SPTAN1: variants seen among roughly 807,000 people sequenced by gnomAD.
SPTAN1 encodes spectrin alpha, non-erythrocytic 1.
A neutral mutation model predicts 331.3 loss-of-function variants in SPTAN1; 61 were observed. The ratio of observed to expected loss-of-function variants is 0.18; its 90% CI spans 0.15 to 0.23. The LOEUF is 0.23. Ranked by LOEUF, SPTAN1 falls within the 10% of genes least tolerant of loss-of-function variation. The pLI is 1.00. For synonymous variants in SPTAN1, 1,153 were observed against 1,173.9 expected, an observed-to-expected ratio of 0.98 and a Z score of 0.36; for missense variants, 2,043 against 3,147.9, an observed-to-expected ratio of 0.65 and a Z score of 8.40.
intron 41 of SPTAN1, 141 bp from the exon 42 acceptor site, chr9:128,617,499 G>A: frequency 8.3e-7 from 1 of 1,211,546 alleles, no homozygotes; most frequent in Middle Eastern, 2.2e-4. Flanking sequence ...GGAAGTAGAG[G>A]CTTTTGTTGT....
Position 128,592,968 on chromosome 9 carries a change from G to GC in SPTAN1, c.3156-10dup. 4 of 1,601,936 alleles carry GC rather than the reference G, an allele frequency of 2.5e-6. No individual in the cohort carries two copies. Among genetic ancestry groups the GC allele is most frequent in the Non-Finnish European group, 3.4e-6 (4 of 1,173,418 alleles). On this transcript the variant is annotated splice_polypyrimidine_tract_variant and intron_variant, in intron 22 of 56. Coordinates refer to ENST00000372739, the MANE Select transcript of SPTAN1 (RefSeq NM_001130438.3). ...ACTAATTCGTGCATGCTTTTGCTGT[G>GC]CCCCCTCTGTGCAGGACACGCATAA...
chr9:128,599,549 C>T (rs1462952034), intron 26 of SPTAN1: 3 of 174,790 alleles, frequency 1.7e-5, no homozygotes, highest in Non-Finnish European at 3.6e-5. Flanking sequence ...GCTTTGTTGC[C>T]CAGACTGGAG....
At chr9:128,603,013 G>A (rs879781451) in intron 27 of SPTAN1, among the ~76,000 whole-genome samples, 2 of 151,564 alleles carry the variant, frequency 1.3e-5, no homozygotes, top group East Asian at 1.9e-4. Context: ...TGAAATGTAC[G>A]TTGTTGAAAG....
intron 37 of SPTAN1, 151 bp from the exon 38 acceptor site, chr9:128,611,563 T>A: frequency 2.3e-6 from 2 of 865,498 alleles, no homozygotes; most frequent in South Asian, 2.9e-5. Flanking sequence ...AAATATTTCA[T>A]ACAAACTCCA....
At chr9:128,609,712 A>G (rs1856357549) in intron 37 of SPTAN1, 47 bp downstream of exon 37, 1 of 1,327,068 alleles carries the variant, frequency 7.5e-7, no homozygotes, top group Non-Finnish European at 1.0e-6. Context: ...GAGCTCCAGT[A>G]TTTGTGTTAC....
chr9:128,607,774 C>A (rs1440087686), intron 32 of SPTAN1, 71 bp downstream of exon 32: 1 of 1,610,596 alleles, frequency 6.2e-7, no homozygotes, highest in Admixed American at 1.7e-5. Flanking sequence ...TCATTCCCAC[C>A]CTTTGTGGTG....
chr9:128,588,660 C>T, intron 20 of SPTAN1, 149 bp from the exon 21 acceptor site: 1 of 1,184,558 alleles, frequency 8.4e-7, no homozygotes, highest in Admixed American at 1.9e-5. Flanking sequence ...GTTCTTGGAT[C>T]AGATTTTATT....
At chr9:128,599,766 T>TACCTAACCCTA (rs1435801587) in intron 26 of SPTAN1, 1 of 343,140 alleles carries the variant, frequency 2.9e-6, no homozygotes, top group African/African-American at 2.1e-5. Context: ...GTTCATTTAT[T>TACCTAACCCTA]ACCCCTTTGC....
chr9:128,604,478 C>A (rs1213955121), intron 29 of SPTAN1, 61 bp downstream of exon 29: 2 of 1,519,008 alleles, frequency 1.3e-6, no homozygotes, highest in East Asian at 2.4e-5. Context: ...TTCCTGACAG[C>A]CCCCAAGCTT....
intron 10 of SPTAN1, 85 bp from the exon 11 acceptor site, chr9:128,580,837 A>C: frequency 6.4e-6 from 10 of 1,570,632 alleles, no homozygotes; most frequent in South Asian, 1.1e-5. Flanking sequence ...CACTAGGATT[A>C]GGAATTCCAG....
At chr9:128,602,449 T>G (rs967125450) in intron 27 of SPTAN1, among the ~76,000 whole-genome samples, 3 of 151,990 alleles carry the variant, frequency 2.0e-5, no homozygotes, top group Non-Finnish European at 2.9e-5. Flanking sequence ...TCTCCTAACC[T>G]CACCTGATCC....
intron 1 of SPTAN1, chr9:128,555,398 A>G (rs1848514923): frequency 7.8e-7 from 1 of 1,289,466 alleles, no homozygotes; most frequent in Non-Finnish European, 1.0e-6. Flanking sequence ...CGCAGAGTCC[A>G]GGTATTTGAC....
intron 1 of SPTAN1, among the ~76,000 whole-genome samples, chr9:128,563,470 C>G (rs1441433260): frequency 6.6e-6 from 1 of 152,108 alleles, no homozygotes; most frequent in Non-Finnish European, 1.5e-5. Context: ...TGTGGTCAAT[C>G]CAAGATTGGT....
Position 128,611,722 on chromosome 9 carries a change from C to T in SPTAN1, c.4782C>T (p.His1594=). ...NIQLSKLLSK[H]QKHQAFEAEL... Reference sequence around the variant, plus strand: ...TTTTTTGGTATTTTTAGAGCAAGCACCAGAAGCACCAGGCTTTTGAAGCAG... The same window carrying T: ...TTTTTTGGTATTTTTAGAGCAAGCATCAGAAGCACCAGGCTTTTGAAGCAG... The change falls in exon 38 of 57, where the codon CAC becomes CAT. Residue 1594 remains histidine (H), a synonymous_variant. Transcript: ENST00000372739. The T allele has an allele frequency of 6.2e-7, 1 of 1,614,070 alleles. No homozygotes were observed. The highest frequency in any genetic ancestry group is 2.2e-5 in the East Asian group (1 of 44,876).
chr9:128,607,978 C>A lies in SPTAN1; in HGVS notation c.4273C>A (p.Gln1425Lys). ...CAAGCAGAAACTTGATATTCTTGAC[C>A]AGGAGCGTGCAGACCTGGAGAAGGC... ...EIKQKLDILD[Q>K]ERADLEKAWV... Residue 1425 changes from glutamine to lysine, a missense_variant, in exon 33 of 57, where the codon CAG becomes AAG. Physicochemically the swap from Gln to Lys is moderately conservative, Grantham distance 53. Around this residue, in one of 12 missense-constraint regions of SPTAN1, gnomAD observed 179 missense variants for 215.7 expected, o/e 0.83. Transcript: ENST00000372739. 6.2e-7 allele frequency: 1 copy of A among 1,614,068 alleles called. No homozygotes were observed. Among genetic ancestry groups the A allele is most frequent in the Non-Finnish European group, 8.5e-7 (1 of 1,180,034 alleles).
chr9:128,602,223 T>G (rs1420591482), intron 27 of SPTAN1, among the ~76,000 whole-genome samples: 1 of 149,164 alleles, frequency 6.7e-6, no homozygotes, highest in Non-Finnish European at 1.5e-5. Context: ...TTTTTTTTGT[T>G]TTTTTTTTTT....
chr9:128,579,295 G>T (rs752604075), intron 9 of SPTAN1, among the ~76,000 whole-genome samples: 2 of 152,112 alleles, frequency 1.3e-5, no homozygotes, highest in African/African-American at 4.8e-5. Flanking sequence ...GGAGGGACTC[G>T]CCCTACCAGG....
At chr9:128,623,930 T>C (rs1858312498) in intron 45 of SPTAN1, among the ~76,000 whole-genome samples, 1 of 148,062 alleles carries the variant, frequency 6.8e-6, no homozygotes, top group Non-Finnish European at 1.5e-5. Flanking sequence ...CTACTAAAAA[T>C]AATTAGCTGT....
In SPTAN1 at chr9:128,613,331, C is replaced by G. The variant is rs755220170; in HGVS notation, c.5044-50C>G. On this transcript the variant is annotated intron_variant, in intron 39 of 56. Transcript: ENST00000372739. ...TGGGCAACCTGAATTTTCCAGAATG[C>G]TGAGTATACACCACACAGTAGCCTT... is the stretch of plus-strand genomic sequence containing the variant. 3 of 1,520,210 alleles carry G rather than the reference C, an allele frequency of 2.0e-6. No homozygotes were observed. In the East Asian group the frequency reaches 6.7e-5, roughly 34 times the overall value. The allele number at this position is 1,520,210 out of a possible 1,614,324, so 94.2% of individuals were successfully genotyped here. A position where few individuals can be genotyped will look rare whatever the true frequency, so the allele number is the denominator to read the frequency against.
Sources: gnomAD v4.1 joint callset for allele counts (sites outside exome capture counted in the v4.1 genomes callset) on GRCh38, gnomAD v4.1.1 for gene constraint, gnomAD v4.1.1 regional missense constraint, MANE v1.5 for transcripts, NCBI Gene and HGNC (gene_info 2026-07-23, HGNC 2026-07-21) for gene names.